The following TTLL10 variants were observed in gnomAD, a reference collection of about 807,000 sequenced individuals.
The protein encoded by TTLL10 is tubulin tyrosine ligase like 10, also known as inactive polyglycylase TTLL10.
TTLL10 carries 61 observed loss-of-function variants against 69.0 expected under a neutral mutation model. That is an observed-to-expected ratio of 0.88 (90% confidence interval 0.72 to 1.09). The LOEUF (loss-of-function observed/expected upper bound fraction) is 1.09, where lower values mean the gene tolerates loss of function less well. Ranked by LOEUF, TTLL10 falls within the 50% of genes least tolerant of loss-of-function variation. The pLI, the probability that TTLL10 is intolerant of heterozygous loss-of-function variation, is 0.00. For missense variants in TTLL10, 962 were observed against 945.9 expected (o/e 1.02, Z -0.22); for synonymous variants, 408 against 393.3 (o/e 1.04, Z -0.44).
Position 1,181,796 on chromosome 1 carries a change from G to A in TTLL10, c.811G>A (p.Gly271Arg), listed in dbSNP as rs760990140. Residue 271 changes from glycine (G) to arginine (R), a missense_variant, in exon 9 of 16, where the codon GGA becomes AGA. Gly to Arg is a moderately radical substitution (Grantham distance 125, BLOSUM62 -2). Transcript: ENST00000379289. The surrounding 1 kb of genome is among the most constrained non-coding windows in gnomAD (Gnocchi z 4.6). ...GGAGGACCTCCCGTGGACAAGCCCAGGATACCTCAGGCCACAGAGGTAGAC... is the reference window on the plus strand; with the variant it reads ...GGAGGACCTCCCGTGGACAAGCCCAAGATACCTCAGGCCACAGAGGTAGAC... ...ALEDLPWTSPGYLRPQRVLRM... is the reference protein window; with the variant it reads ...ALEDLPWTSPRYLRPQRVLRM... 8 of 1,608,804 alleles carry A rather than the reference G, an allele frequency of 5.0e-6. No individual in the cohort carries two copies. Among genetic ancestry groups the A allele is most frequent in the Non-Finnish European group, 5.9e-6 (7 of 1,178,500 alleles).
intron 3 of TTLL10, chr1:1,176,495 G>A: frequency 2.1e-5 from 9 of 435,618 alleles, no homozygotes; most frequent in Non-Finnish European, 4.2e-5. Flanking sequence ...TTCCCGGAGG[G>A]ACGGATGTCT....
intron 3 of TTLL10, chr1:1,175,463 A>G (rs574338161): frequency 1.4e-5 from 5 of 359,558 alleles, no homozygotes; most frequent in African/African-American, 1.1e-4. Flanking sequence ...TGTCCATATC[A>G]TCCCGGCACG....
At chr1:1,187,629 CA>C (rs1348395068) in intron 13 of TTLL10, among the ~76,000 whole-genome samples, 1 of 150,986 alleles carries the variant, frequency 6.6e-6, no homozygotes, top group Admixed American at 6.6e-5. Context: ...GACTCCATCT[CA>C]AAAAACAAAA....
intron 11 of TTLL10, 118 bp downstream of exon 11, chr1:1,183,165 C>G (rs945070984): frequency 1.3e-5 from 17 of 1,296,102 alleles, no homozygotes; most frequent in Non-Finnish European, 7.3e-6. Context: ...GCACCACCAG[C>G]CCCTGTGCAG....
Position 1,185,723 on chromosome 1 carries a change from G to T in TTLL10, c.1401+614G>T. On this transcript the variant is annotated intron_variant, in intron 13 of 15. Transcript: ENST00000379289. The surrounding 1 kb of genome is among the most constrained non-coding windows in gnomAD (Gnocchi z 6.1). ...CCAGGCCCCGGAAGCAGCAGCCAGG[G>T]ATGGTCCTTCCTCACCCACAGGCGT... 1 of 985,560 alleles carries T rather than the reference G, an allele frequency of 1.0e-6. No individual in the cohort carries two copies. Among genetic ancestry groups the T allele is most frequent in the Non-Finnish European group, 1.2e-6 (1 of 830,006 alleles). 61.1% of individuals were successfully genotyped at this position (985,560 alleles called of 1,614,324 possible). A position where few individuals can be genotyped will look rare whatever the true frequency, so the allele number is the denominator to read the frequency against.
At chr1:1,176,970 C>T (rs559617721) in intron 3 of TTLL10, among the ~76,000 whole-genome samples, 62 of 152,284 alleles carry the variant, frequency 4.1e-4, no homozygotes, top group African/African-American at 1.4e-3. Flanking sequence ...CCCTGTTTCT[C>T]CCCTTTTCTC....
chr1:1,178,868 G>A (rs1360980832), intron 3 of TTLL10, among the ~76,000 whole-genome samples: 7 of 152,164 alleles, frequency 4.6e-5, no homozygotes, highest in Non-Finnish European at 8.8e-5. Context: ...TCAGGCAGGC[G>A]CCCCACCCAG....
rs201958216 is a variant in TTLL10, at chr1:1,184,030, G to A, written c.1199G>A (p.Arg400His). The A allele has an allele frequency of 1.8e-4, 290 of 1,614,196 alleles. No homozygotes were observed. In the East Asian group the frequency reaches 3.6e-3, roughly 20 times the overall value. ...YMIFFGHGYA[R>H]LTLSLYDPHS... is the part of the protein sequence containing the mutation. Reference sequence around the variant, plus strand: ...ATCTTCTTTGGCCACGGCTATGCTCGCCTCACCCTTAGCCTTTACGACCCC... The same window carrying A: ...ATCTTCTTTGGCCACGGCTATGCTCACCTCACCCTTAGCCTTTACGACCCC... The change falls in exon 12 of 16, where the codon CGC becomes CAC. Residue 400 changes from arginine (R) to histidine (H), a missense_variant. Transcript: ENST00000379289.
At chr1:1,195,767 G>A (rs113488592) in intron 13 of TTLL10, among the ~76,000 whole-genome samples, 1,657 of 151,890 alleles carry the variant, frequency 0.011, 24 homozygotes, top group African/African-American at 0.032. Context: ...AGCCTCCCAA[G>A]TAGGTGGGAC....
intron 13 of TTLL10, among the ~76,000 whole-genome samples, chr1:1,189,605 T>C (rs1163393859): frequency 1.3e-5 from 2 of 152,238 alleles, no homozygotes; most frequent in African/African-American, 4.8e-5. Context: ...CCTGGCCTCA[T>C]AGCATGTTAG....
intron 11 of TTLL10, among the ~76,000 whole-genome samples, chr1:1,183,674 C>T (rs1647150281): frequency 6.6e-6 from 1 of 152,264 alleles, no homozygotes; most frequent in Non-Finnish European, 1.5e-5. Context: ...TCATGCCCTC[C>T]TCCTCCAGGC....
chr1:1,189,684 A>G (rs776295195), intron 13 of TTLL10, among the ~76,000 whole-genome samples: 1 of 152,144 alleles, frequency 6.6e-6, no homozygotes, highest in Admixed American at 6.6e-5. Context: ...TGTTTGAAAT[A>G]ATTCACCAGT....
rs1247951095 is a variant in TTLL10, at chr1:1,185,396, T to C, written c.1401+287T>C. On this transcript the variant is annotated intron_variant, in intron 13 of 15. Transcript: ENST00000379289. This position sits in a 1 kb window ranked among gnomAD's most constrained non-coding sequence, Gnocchi z 6.1. ...GGGTCAGGGGACAGCTCGGCTTCAG[T>C]GACAGCCACCATGTGAAGAGTCTTT... 1 of 1,279,428 alleles carries C rather than the reference T, an allele frequency of 7.8e-7. No individual in the cohort carries two copies. Among genetic ancestry groups the C allele is most frequent in the Non-Finnish European group, 9.9e-7 (1 of 1,012,458 alleles). The allele number at this position is 1,279,428 out of a possible 1,614,324, so 79.3% of individuals were successfully genotyped here. A position where few individuals can be genotyped will look rare whatever the true frequency, so the allele number is the denominator to read the frequency against.
chr1:1,181,876 C>A lies in TTLL10; in HGVS notation c.830+61C>A. ...CGAAGTTCAGACCTAAACCTGGTGT[C>A]GTCTGAAAAGGAGAAAGCGGGGCGG... On this transcript the variant is annotated intron_variant, in intron 9 of 15. Transcript: ENST00000379289. This position sits in a 1 kb window ranked among gnomAD's most constrained non-coding sequence, Gnocchi z 4.6. The A allele has an allele frequency of 1.4e-6, 2 of 1,480,652 alleles. No individual in the cohort carries two copies. The highest frequency in any genetic ancestry group is 9.2e-7 in the Non-Finnish European group (1 of 1,082,588). The allele number at this position is 1,480,652 out of a possible 1,614,324, so 91.7% of individuals were successfully genotyped here. A position where few individuals can be genotyped will look rare whatever the true frequency, so the allele number is the denominator to read the frequency against.
chr1:1,191,239 A>G lies in TTLL10; in HGVS notation c.1402-5361A>G, dbSNP rs183823058. ...AATTTTCCTTCTGTTATTGACTTCT[A>G]ATTTCATTCCATTGTGTCAGAGAAC... On this transcript the variant is annotated intron_variant, in intron 13 of 15. Coordinates refer to ENST00000379289, the MANE Select transcript of TTLL10 (RefSeq NM_001130045.2). Among the ~76,000 whole-genome samples, 371 of 152,276 alleles carry G rather than the reference A, an allele frequency of 2.4e-3. 2 individuals carry two copies. Among genetic ancestry groups the G allele is most frequent in the African/African-American group, 8.4e-3 (349 of 41,528 alleles).
rs1646817231 is a variant in TTLL10 at position 1,174,335 on chromosome 1, T to G, written c.-94+14T>G. On this transcript the variant is annotated intron_variant, in intron 2 of 15. Coordinates refer to ENST00000379289, the MANE Select transcript of TTLL10 (RefSeq NM_001130045.2). ...TCTTCGAACAATGTCAGTACCTTCC[T>G]AGGGCCCCACGTGGCCAAGCTTGGA... The G allele has an allele frequency of 6.5e-6, 1 of 152,692 alleles. No individual in the cohort carries two copies. The highest frequency in any genetic ancestry group is 2.1e-4 in the South Asian group (1 of 4,834). The allele number at this position is 152,692 out of a possible 1,614,324, so 9.5% of individuals were successfully genotyped here.
In TTLL10 at chr1:1,197,869, G is replaced by T; in HGVS notation, c.*22G>T. ...CTAGGGGCAGCCACCCGCGCCCAGCGCCCCGCGCCCCGCGCCCCAGCCGTG... is the reference window on the plus strand; with the variant it reads ...CTAGGGGCAGCCACCCGCGCCCAGCTCCCCGCGCCCCGCGCCCCAGCCGTG... On this transcript the variant is annotated 3_prime_UTR_variant, in exon 16 of 16. Coordinates refer to ENST00000379289, the MANE Select transcript of TTLL10 (RefSeq NM_001130045.2). 3 of 1,399,934 alleles carry T rather than the reference G, an allele frequency of 2.1e-6. No homozygotes were observed. Among genetic ancestry groups the T allele is most frequent in the Non-Finnish European group, 2.8e-6 (3 of 1,077,788 alleles). The allele number at this position is 1,399,934 out of a possible 1,614,324, so 86.7% of individuals were successfully genotyped here.
At position 1,185,695 on chromosome 1, in the gene TTLL10, C is replaced by T. The variant is rs1647267595; in HGVS notation, c.1401+586C>T. 5 of 985,424 alleles carry T rather than the reference C, an allele frequency of 5.1e-6. No homozygotes were observed. The highest frequency in any genetic ancestry group is 4.7e-5 in the South Asian group (1 of 21,300). 61.0% of individuals were successfully genotyped at this position (985,424 alleles called of 1,614,324 possible). A position where few individuals can be genotyped will look rare whatever the true frequency, so the allele number is the denominator to read the frequency against. The stretch of plus-strand genomic sequence containing the variant: ...GGACTTTTATCTGTCTTGGTCACCC[C>T]GGCCAGGCCCCGGAAGCAGCAGCCA... On this transcript the variant is annotated intron_variant, in intron 13 of 15. Transcript: ENST00000379289. This position sits in a 1 kb window ranked among gnomAD's most constrained non-coding sequence, Gnocchi z 6.1.
At chr1:1,179,442 G>C (rs1399961562) in intron 4 of TTLL10, 109 bp downstream of exon 4, 1 of 1,273,210 alleles carries the variant, frequency 7.9e-7, no homozygotes, top group African/African-American at 1.5e-5. Context: ...GCAGGGGCAG[G>C]ATCCACACAT....
Sources: gnomAD v4.1 joint callset for allele counts (sites outside exome capture counted in the v4.1 genomes callset) on GRCh38, gnomAD v4.1.1 for gene constraint, Gnocchi (gnomAD v3.1) non-coding constraint, MANE v1.5 for transcripts, NCBI Gene and HGNC (gene_info 2026-07-23, HGNC 2026-07-21) for gene names.